The following UBE3A variants were observed in gnomAD, a reference collection of about 807,000 sequenced individuals.
UBE3A encodes ubiquitin-protein ligase E3A.
A neutral mutation model predicts 83.4 loss-of-function variants in UBE3A; 6 were observed. The ratio of observed to expected loss-of-function variants is 0.07; its 90% CI spans 0.04 to 0.14. The LOEUF is 0.14. Among genes scored for constraint, UBE3A ranks in the 10% least tolerant of loss-of-function variants. UBE3A has a pLI of 1.00. For missense variants in UBE3A, 456 were observed against 1,036.1 expected, an observed-to-expected ratio of 0.44 and a Z score of 7.69; for synonymous variants, 337 against 355.4, an observed-to-expected ratio of 0.95 and a Z score of 0.58.
At position 25,371,651 on chromosome 15, in the gene UBE3A, G is replaced by T; in HGVS notation, c.523C>A (p.Leu175Met). 1.2e-6 allele frequency: 2 copies of T among 1,613,952 alleles called. No homozygotes were observed. Among genetic ancestry groups the T allele is most frequent in the Non-Finnish European group, 1.7e-6 (2 of 1,179,998 alleles). ...RKVKQHTKEELKSLQAKDEDK... is the reference protein window; with the variant it reads ...RKVKQHTKEEMKSLQAKDEDK... ...TCATCTTTTGCTTGAAGAGATTTCAGTTCTTCCTTGGTGTGTTGTTTAACT... is the reference window on the plus strand; with the variant it reads ...TCATCTTTTGCTTGAAGAGATTTCATTTCTTCCTTGGTGTGTTGTTTAACT... Residue 175 changes from leucine to methionine, a missense_variant, in exon 6 of 13, where the codon CTG becomes ATG. Transcript: ENST00000648336. The surrounding 1 kb of genome is among the most constrained non-coding windows in gnomAD (Gnocchi z 5.3).
chr15:25,386,577 C>G (rs1567019500), intron 4 of UBE3A, among the ~76,000 whole-genome samples: 1 of 151,870 alleles, frequency 6.6e-6, no homozygotes, highest in Non-Finnish European at 1.5e-5. Context: ...CTTTGATGGG[C>G]TTATTAGTAG....
intron 4 of UBE3A, among the ~76,000 whole-genome samples, chr15:25,401,127 C>G (rs1027584095): frequency 2.4e-4 from 37 of 152,236 alleles, no homozygotes; most frequent in African/African-American, 8.9e-4. Flanking sequence ...GGATTCAGGT[C>G]TGTTGGATAA....
At chr15:25,398,770 TTTATATATATATATATATATATATATA>T (rs1567067037) in intron 4 of UBE3A, among the ~76,000 whole-genome samples, 2 of 83,624 alleles carry the variant, frequency 2.4e-5, no homozygotes, top group African/African-American at 9.4e-5. Flanking sequence ...TATTCTTTTA[TTTATATATATATATATATATATATATA>T]TATATATATA....
intron 1 of UBE3A, among the ~76,000 whole-genome samples, chr15:25,420,361 T>C (rs1472926607): frequency 6.6e-6 from 1 of 151,956 alleles, no homozygotes; most frequent in Non-Finnish European, 1.5e-5. Context: ...CTTCAAAGCA[T>C]ATGAAGAAAA....
intron 11 of UBE3A, among the ~76,000 whole-genome samples, chr15:25,353,638 C>A (rs1408983215): frequency 1.3e-5 from 2 of 152,142 alleles, no homozygotes; most frequent in African/African-American, 4.8e-5. Flanking sequence ...TGTTTATATA[C>A]TTGAGTCTTA....
chr15:25,428,103 A>G (rs959459673), intron 1 of UBE3A, among the ~76,000 whole-genome samples: 5 of 152,182 alleles, frequency 3.3e-5, no homozygotes, highest in Admixed American at 1.3e-4. Flanking sequence ...GGACAAAGGC[A>G]GAAGAACATA....
intron 4 of UBE3A, among the ~76,000 whole-genome samples, chr15:25,403,248 T>C (rs1293429766): frequency 6.6e-6 from 1 of 152,238 alleles, no homozygotes; most frequent in Non-Finnish European, 1.5e-5. Context: ...GTCAAGACTC[T>C]CAACTTCTGA....
intron 6 of UBE3A, among the ~76,000 whole-genome samples, chr15:25,365,746 T>TAA (rs36057934): frequency 0.012 from 1,324 of 109,366 alleles, 15 homozygotes; most frequent in African/African-American, 0.019. Flanking sequence ...AGACTCCGTC[T>TAA]AAAAAAAAAA....
At chr15:25,412,916 G>C (rs2071848295) in intron 1 of UBE3A, 1 of 374,078 alleles carries the variant, frequency 2.7e-6, no homozygotes, top group Non-Finnish European at 5.2e-6. Context: ...TTTTCATTCA[G>C]TGCATGAAGT....
intron 1 of UBE3A, among the ~76,000 whole-genome samples, chr15:25,432,151 A>G (rs529079853): frequency 6.0e-4 from 92 of 152,318 alleles, no homozygotes; most frequent in African/African-American, 2.1e-3. Flanking sequence ...AATAAAGAAC[A>G]TGAGTTTAAC....
chr15:25,341,923 G>A (rs1327337120), intron 11 of UBE3A, among the ~76,000 whole-genome samples: 1 of 151,914 alleles, frequency 6.6e-6, no homozygotes, highest in East Asian at 1.9e-4. Flanking sequence ...CATTTTTGGT[G>A]CTGCAACACC....
chr15:25,370,794 A>G lies in UBE3A; in HGVS notation c.1380T>C (p.Asp460=). The G allele has an allele frequency of 6.2e-7, 1 of 1,614,068 alleles. No individual in the cohort carries two copies. Among genetic ancestry groups the G allele is most frequent in the Non-Finnish European group, 8.5e-7 (1 of 1,179,962 alleles). The part of the protein sequence containing the change: ...PLNEVLEMDK[D]YTFFKVETEN... ...CTGTTTCTACTTTGAAAAAAGTATA[A>G]TCTTTATCCATTTCTAGAACCTCAT... The change falls in exon 6 of 13, where the codon GAT becomes GAC. Residue 460 remains aspartate (D), a synonymous_variant. Transcript: ENST00000648336. This position sits in a 1 kb window ranked among gnomAD's most constrained non-coding sequence, Gnocchi z 4.2.
chr15:25,357,943 C>T (rs1213111590), intron 7 of UBE3A, among the ~76,000 whole-genome samples: 3 of 128,660 alleles, frequency 2.3e-5, no homozygotes, highest in Non-Finnish European at 1.6e-5. Flanking sequence ...CTCGCTCTGT[C>T]GCCCAAGCTG....
intron 1 of UBE3A, among the ~76,000 whole-genome samples, chr15:25,436,522 TCA>T (rs2153192270): frequency 6.6e-6 from 1 of 152,280 alleles, no homozygotes; most frequent in East Asian, 1.9e-4. Flanking sequence ...CAGTGTATTA[TCA>T]CAGTTTACAC....
chr15:25,364,645 G>GTTTTTTT (rs759514427), intron 6 of UBE3A, among the ~76,000 whole-genome samples: 1 of 97,642 alleles, frequency 1.0e-5, no homozygotes, highest in African/African-American at 3.4e-5. Flanking sequence ...TTTTTTGTTT[G>GTTTTTTT]TTTTTTTTTT....
At chr15:25,381,282 T>G (rs909953855) in intron 4 of UBE3A, among the ~76,000 whole-genome samples, 6 of 152,072 alleles carry the variant, frequency 3.9e-5, no homozygotes, top group Non-Finnish European at 7.4e-5. Context: ...ACTAAAAAAA[T>G]GAATTTACAA....
At chr15:25,365,818 A>C (rs1160798946) in intron 6 of UBE3A, among the ~76,000 whole-genome samples, 3 of 152,080 alleles carry the variant, frequency 2.0e-5, no homozygotes, top group Non-Finnish European at 2.9e-5. Context: ...CTTGAGGCTT[A>C]AACTATTGCT....
At chr15:25,383,570 C>T (rs1266519764) in intron 4 of UBE3A, among the ~76,000 whole-genome samples, 4 of 151,946 alleles carry the variant, frequency 2.6e-5, no homozygotes, top group South Asian at 2.1e-4. Context: ...ACCCGGGAGG[C>T]GGAGCTGGCA....
chr15:25,428,276 T>C (rs1037458446), intron 1 of UBE3A, among the ~76,000 whole-genome samples: 1 of 152,178 alleles, frequency 6.6e-6, no homozygotes, highest in Non-Finnish European at 1.5e-5. Context: ...CAACTAGCTT[T>C]TCATATTTAA....
Sources: gnomAD v4.1 joint callset for allele counts (sites outside exome capture counted in the v4.1 genomes callset) on GRCh38, gnomAD v4.1.1 for gene constraint, Gnocchi (gnomAD v3.1) non-coding constraint, MANE v1.5 for transcripts, NCBI Gene and HGNC (gene_info 2026-07-23, HGNC 2026-07-21) for gene names.